Variants in CFAP20DC observed in about 807,000 individuals in gnomAD.
CFAP20DC encodes the protein protein CFAP20DC.
CFAP20DC carries 84 observed loss-of-function variants against 101.7 expected under a neutral mutation model. That is an observed-to-expected ratio of 0.83 (90% CI 0.69 to 0.99). CFAP20DC has a LOEUF of 0.99. CFAP20DC is among the 50% of genes least tolerant of loss of function. The pLI, the probability that CFAP20DC is intolerant of heterozygous loss-of-function variation, is 0.00. For missense variants in CFAP20DC, 1,007 were observed against 970.3 expected (o/e 1.04, Z -0.50); for synonymous variants, 359 against 351.2 (o/e 1.02, Z -0.25).
intron 14 of CFAP20DC, among the ~76,000 whole-genome samples, chr3:58,822,267 C>T (rs2075714923): frequency 1.4e-5 from 2 of 147,500 alleles, no homozygotes; most frequent in Admixed American, 1.4e-4. Context: ...GCACAATGTG[C>T]ACATGTACCG....
intron 14 of CFAP20DC, among the ~76,000 whole-genome samples, chr3:58,809,752 A>G (rs1481470205): frequency 6.6e-6 from 1 of 152,180 alleles, no homozygotes; most frequent in African/African-American, 2.4e-5. Flanking sequence ...TCAAAAATTA[A>G]TGAATCCAGG....
chr3:59,018,823 G>C (rs906149591), intron 4 of CFAP20DC: 2 of 152,036 alleles, frequency 1.3e-5, no homozygotes, highest in Non-Finnish European at 2.9e-5. Context: ...TTGTACTGTG[G>C]TCATGTAGTG....
chr3:58,848,922 C>G, intron 13 of CFAP20DC, 110 bp downstream of exon 13: 1 of 1,287,276 alleles, frequency 7.8e-7, no homozygotes, highest in African/African-American at 1.5e-5. Flanking sequence ...AAATACAACA[C>G]TCATCACCCA....
In CFAP20DC at chr3:58,849,656, T is replaced by G. The variant is rs116217625; in HGVS notation, c.1594-247A>C. 8.3e-3 allele frequency among the ~76,000 whole-genome samples: 1,262 copies of G among 152,260 alleles called. 16 individuals carry two copies. The highest frequency in any genetic ancestry group is 0.028 in the African/African-American group (1,169 of 41,560). On this transcript the variant is annotated intron_variant, in intron 12 of 16. Transcript: ENST00000482387. ...CTGGATAAGGCATATTTTTTACTCATGAAAAACAAGAGAACATTTAAGAAG... is the reference window on the plus strand; with the variant it reads ...CTGGATAAGGCATATTTTTTACTCAGGAAAAACAAGAGAACATTTAAGAAG...
At chr3:58,954,310 A>G (rs1353061911) in intron 4 of CFAP20DC, among the ~76,000 whole-genome samples, 1 of 152,228 alleles carries the variant, frequency 6.6e-6, no homozygotes, top group Non-Finnish European at 1.5e-5. Context: ...ATCATTTACA[A>G]TCATTTGCAA....
At position 58,728,527 on chromosome 3, in the gene CFAP20DC, G is replaced by T. The variant is rs971105920; in HGVS notation, c.198-10899C>A. On this transcript the variant is annotated intron_variant, in intron 3 of 3. Transcript: ENST00000486145. The surrounding 1 kb of genome is among the most constrained non-coding windows in gnomAD (Gnocchi z 4.7). ...TGGGTTAATGAGGAAATTGGACATG[G>T]CCTTAGGATGAAATGGAAGGCAGGC... Among the ~76,000 whole-genome samples, 1 of 152,174 alleles carries T rather than the reference G, an allele frequency of 6.6e-6. No individual in the cohort carries two copies. The highest frequency in any genetic ancestry group is 2.4e-5 in the African/African-American group (1 of 41,454).
At chr3:58,965,227 T>C (rs949687214) in intron 4 of CFAP20DC, among the ~76,000 whole-genome samples, 2 of 152,188 alleles carry the variant, frequency 1.3e-5, no homozygotes, top group African/African-American at 4.8e-5. Flanking sequence ...ATAAACCCAG[T>C]AAATGGTGGG....
rs768994756 is a variant in CFAP20DC, at chr3:58,863,764, G to C, written c.1387C>G (p.His463Asp). ...LWLEASKESE[H>D]DQQAEESQSV... ...TGGGATTCCTCTGCCTGCTGGTCGT[G>C]TTCACTCTCTTTGCTGGCTTCCAGC... Residue 463 changes from histidine to aspartate, a missense_variant, in exon 12 of 17, where the codon CAC (histidine) becomes GAC (aspartate). Transcript: ENST00000482387. This position sits in a 1 kb window ranked among gnomAD's most constrained non-coding sequence, Gnocchi z 5.9. The C allele has an allele frequency of 2.8e-5, 45 of 1,614,056 alleles. No individual in the cohort carries two copies. In the East Asian group the frequency reaches 9.8e-4, roughly 35 times the overall value.
intron 12 of CFAP20DC, among the ~76,000 whole-genome samples, chr3:58,858,375 C>G (rs895814787): frequency 3.3e-5 from 5 of 152,130 alleles, no homozygotes; most frequent in African/African-American, 1.2e-4. Context: ...CCAGCACTTC[C>G]TCTGCTGAAC....
At position 59,015,248 on chromosome 3, in the gene CFAP20DC, AG is replaced by A. The variant is rs1206006140; in HGVS notation, c.278+24308del. Among the ~76,000 whole-genome samples, 1 of 152,062 alleles carries A rather than the reference AG, an allele frequency of 6.6e-6. No homozygotes were observed. The highest frequency in any genetic ancestry group is 1.5e-5 in the Non-Finnish European group (1 of 68,012). ...GCATTTACCATTTCCTGTGGCCCTC[AG>A]GCACCCACTTTCTCTTCTTGAGTAA... On this transcript the variant is annotated intron_variant, in intron 4 of 16. Transcript: ENST00000482387. The surrounding 1 kb of genome is among the most constrained non-coding windows in gnomAD (Gnocchi z 5.4).
At chr3:58,873,384 T>C (rs1041306930) in intron 7 of CFAP20DC, among the ~76,000 whole-genome samples, 7 of 149,978 alleles carry the variant, frequency 4.7e-5, no homozygotes, top group Admixed American at 3.3e-4. Flanking sequence ...GAATTCCGGA[T>C]AGCTATTCTG....
At chr3:59,030,838 T>C (rs1050226613) in intron 4 of CFAP20DC, among the ~76,000 whole-genome samples, 25 of 152,026 alleles carry the variant, frequency 1.6e-4, no homozygotes, top group African/African-American at 6.1e-4. Context: ...TTTTTGTTTT[T>C]TTTGAGACGG....
chr3:58,884,855 T>A lies in CFAP20DC; in HGVS notation c.551-146A>T, dbSNP rs1194253498. 6.0e-6 allele frequency: 4 copies of A among 663,100 alleles called. No individual in the cohort carries two copies. The African/African-American group carries it at 7.3e-5, about 12-fold the overall frequency. The allele number at this position is 663,100 out of a possible 1,614,324, so 41.1% of individuals were successfully genotyped here. A position where few individuals can be genotyped will look rare whatever the true frequency, so the allele number is the denominator to read the frequency against. ...CAACCTTTCAGCCCTGATTTTCTCA[T>A]CTGTGAAATGAGCATGATAATTTTA... On this transcript the variant is annotated intron_variant, in intron 6 of 16. Coordinates refer to ENST00000482387, the MANE Select transcript of CFAP20DC (RefSeq NM_001394063.1).
In CFAP20DC at chr3:58,849,112, G is replaced by C. The variant is rs373366110; in HGVS notation, c.1891C>G (p.Gln631Glu). 6.5e-7 allele frequency: 1 copy of C among 1,536,080 alleles called. No individual in the cohort carries two copies. Among genetic ancestry groups the C allele is most frequent in the Non-Finnish European group, 8.7e-7 (1 of 1,146,910 alleles). The change falls in exon 13 of 17, where the codon CAG becomes GAG. Residue 631 changes from glutamine to glutamate, a missense_variant. Gln to Glu is a conservative substitution (Grantham distance 29). Transcript: ENST00000482387. ...TTGTTTAGTGAAGCTGGCACTTGCT[G>C]GGCTGATAGATCCTTCGCTTTGATT... ...PVIKAKDLSAQQVPASLNKTS... is the reference protein window; with the variant it reads ...PVIKAKDLSAEQVPASLNKTS...
At chr3:58,881,706 A>G (rs533111236) in intron 7 of CFAP20DC, among the ~76,000 whole-genome samples, 3 of 152,310 alleles carry the variant, frequency 2.0e-5, no homozygotes, top group Non-Finnish European at 4.4e-5. Flanking sequence ...ATAATAAAAT[A>G]TCACAATTTA....
In CFAP20DC at chr3:59,047,184, C is replaced by T. The variant is rs1341703336; in HGVS notation, c.92G>A (p.Ser31Asn). 1 of 1,534,156 alleles carries T rather than the reference C, an allele frequency of 6.5e-7. No individual in the cohort carries two copies. Among genetic ancestry groups the T allele is most frequent in the Admixed American group, 2.0e-5 (1 of 50,950 alleles). The change falls in exon 2 of 17, where the codon AGT becomes AAT. Residue 31 changes from serine (S) to asparagine (N), a missense_variant. Ser to Asn is a conservative substitution (Grantham distance 46). Transcript: ENST00000482387. ...ACTTACTTTCCAAATCACAGATGGACTACCAAGGATCTTCCATTTTGCTCC... is the reference window on the plus strand; with the variant it reads ...ACTTACTTTCCAAATCACAGATGGATTACCAAGGATCTTCCATTTTGCTCC... ...NPGAKWKILG[S>N]PSVIWKEFDK...
At chr3:58,963,855 G>T (rs2091343714) in intron 4 of CFAP20DC, among the ~76,000 whole-genome samples, 1 of 152,054 alleles carries the variant, frequency 6.6e-6, no homozygotes, top group Non-Finnish European at 1.5e-5. Flanking sequence ...CAGGACAGGA[G>T]GTCAGACACA....
At chr3:58,854,875 T>TA (rs2078619772) in intron 12 of CFAP20DC, among the ~76,000 whole-genome samples, 1 of 144,658 alleles carries the variant, frequency 6.9e-6, no homozygotes, top group South Asian at 2.3e-4. Context: ...CCTAAAACCA[T>TA]AAAAACCCTA....
rs13318204 is a variant in CFAP20DC at position 58,776,752 on chromosome 3, A to C, written c.2238-22889T>G. On this transcript the variant is annotated intron_variant, in intron 15 of 16. Transcript: ENST00000482387. ...AGGGTTCATTCCAACTAAGAACTTA[A>C]GAGGATTGAGGGAAAAAATTATTTT... is the stretch of plus-strand genomic sequence containing the variant. Among the ~76,000 whole-genome samples the C allele has an allele frequency of 9.8e-3, 1,486 of 151,378 alleles. 24 individuals are homozygous for C. Among genetic ancestry groups the C allele is most frequent in the African/African-American group, 0.035 (1,437 of 41,098 alleles).
Sources: allele counts gnomAD v4.1 joint callset (sites outside exome capture counted in the v4.1 genomes callset), GRCh38; gene constraint gnomAD v4.1.1; non-coding constraint Gnocchi (gnomAD v3.1); transcripts MANE v1.5; gene names NCBI Gene and HGNC (gene_info 2026-07-23, HGNC 2026-07-21).